Variants in MAOB observed in about 807,000 individuals in gnomAD.
MAOB encodes the protein monoamine oxidase B, also known as amine oxidase [flavin-containing] B.
A neutral mutation model predicts 41.9 loss-of-function variants in MAOB; 15 were observed. That is an observed-to-expected ratio of 0.36 (90% CI 0.24 to 0.55). The LOEUF (loss-of-function observed/expected upper bound fraction) is 0.55. Ranked by LOEUF, MAOB falls within the 20% of genes least tolerant of loss-of-function variation. MAOB has a pLI of 0.86. For missense variants in MAOB, 345 were observed against 398.7 expected (o/e 0.87, Z 1.15); for synonymous variants, 167 against 144.2 (o/e 1.16, Z -1.13).
chrX:43,769,285 A>G, intron 13 of MAOB, 22 bp downstream of exon 13: 1 of 1,160,265 alleles, frequency 8.6e-7, no homozygotes, highest in Non-Finnish European at 1.1e-6. Context: ...CCTTCCCCAT[A>G]ATCTATGACC....
chrX:43,774,676 C>A (rs1014544395), intron 12 of MAOB, among the ~76,000 whole-genome samples: 4 of 111,497 alleles, frequency 3.6e-5, no homozygotes, highest in African/African-American at 1.3e-4. Flanking sequence ...ATAATTTTGT[C>A]CCCGTGTTGG....
At chrX:43,791,191 T>C (rs1347854620) in intron 8 of MAOB, among the ~76,000 whole-genome samples, 3 of 111,809 alleles carry the variant, frequency 2.7e-5, no homozygotes, top group Non-Finnish European at 5.6e-5. Context: ...TTATCTGCAA[T>C]GTGGAGAATG....
chrX:43,815,915 C>A (rs2034808815), intron 3 of MAOB, among the ~76,000 whole-genome samples: 1 of 111,837 alleles, frequency 8.9e-6, no homozygotes, highest in Admixed American at 9.5e-5. Flanking sequence ...CCATCAATAG[C>A]AATATGGACA....
At chrX:43,841,044 T>C (rs2035131219) in intron 2 of MAOB, among the ~76,000 whole-genome samples, 1 of 110,390 alleles carries the variant, frequency 9.1e-6, no homozygotes, top group African/African-American at 3.3e-5. Context: ...GAACTTAAAG[T>C]ATAATTTAAA....
In MAOB at chrX:43,808,690, CT is replaced by C. The variant is rs1569218502; in HGVS notation, c.280-5287del. Reference sequence around the variant, plus strand: ...TCTATATCTATATCTATATCTATATCTACACATAGACACACACACACACACA... The same window carrying C: ...TCTATATCTATATCTATATCTATATCACACATAGACACACACACACACACA... On this transcript the variant is annotated intron_variant, in intron 3 of 14. Transcript: ENST00000378069. Among the ~76,000 whole-genome samples the C allele has an allele frequency of 4.0e-4, 37 of 91,936 alleles. 1 individual carries two copies. The South Asian group carries it at 6.4e-3, about 16-fold the overall frequency. 79.8% of individuals were successfully genotyped at this position (91,936 alleles called of 115,157 possible).
At chrX:43,853,282 A>G (rs1199002236) in intron 1 of MAOB, among the ~76,000 whole-genome samples, 5 of 108,621 alleles carry the variant, frequency 4.6e-5, no homozygotes, top group Non-Finnish European at 5.7e-5. Context: ...AAAAAAAAAA[A>G]AAAAAAAGAA....
chrX:43,838,442 T>G (rs543728906), intron 3 of MAOB, among the ~76,000 whole-genome samples: 2 of 112,118 alleles, frequency 1.8e-5, no homozygotes, highest in East Asian at 5.6e-4. Flanking sequence ...TTAGCTGATA[T>G]ATAGGCCACA....
In MAOB at chrX:43,794,222, C is replaced by T. The variant is rs1217580144; in HGVS notation, c.769-644G>A. On this transcript the variant is annotated intron_variant, in intron 7 of 14. Coordinates refer to ENST00000378069, the MANE Select transcript of MAOB (RefSeq NM_000898.5). Reference sequence around the variant, plus strand: ...GTTCCTTGGTCACACCAGGCTTGCTCCCACCTCAGTGCCTTGGCACTGGCT... The same window carrying T: ...GTTCCTTGGTCACACCAGGCTTGCTTCCACCTCAGTGCCTTGGCACTGGCT... Among the ~76,000 whole-genome samples the T allele has an allele frequency of 3.6e-5, 4 of 111,488 alleles. No individual in the cohort carries two copies. The East Asian group carries it at 1.1e-3, about 32-fold the overall frequency.
intron 12 of MAOB, among the ~76,000 whole-genome samples, chrX:43,769,708 G>C (rs765470197): frequency 2.1e-4 from 24 of 111,646 alleles, no homozygotes; most frequent in Non-Finnish European, 9.4e-5. Flanking sequence ...GTGAGGGACT[G>C]TGTAAGCCCA....
At chrX:43,795,209 C>T (rs757642014) in intron 7 of MAOB, among the ~76,000 whole-genome samples, 13 of 111,741 alleles carry the variant, frequency 1.2e-4, no homozygotes, top group African/African-American at 2.9e-4. Context: ...GTTCCTACAA[C>T]CCCTTCAAGT....
chrX:43,851,522 A>G lies in MAOB; in HGVS notation c.47-7758T>C, dbSNP rs758553031. On this transcript the variant is annotated intron_variant, in intron 1 of 14. Coordinates refer to ENST00000378069, the MANE Select transcript of MAOB (RefSeq NM_000898.5). ...TCATTTCTTTGATGGGGATCTGAGG[A>G]TGAAATATTTCACTACTATGATAGT... is the stretch of plus-strand genomic sequence containing the variant. 5.7e-4 allele frequency among the ~76,000 whole-genome samples: 64 copies of G among 111,583 alleles called. No homozygotes were observed. The East Asian group carries it at 0.017, about 30-fold the overall frequency.
chrX:43,879,197 C>A (rs1257845090), intron 1 of MAOB, among the ~76,000 whole-genome samples: 3 of 111,732 alleles, frequency 2.7e-5, no homozygotes, highest in African/African-American at 6.5e-5. Context: ...CATTTATACA[C>A]CATACACATT....
At chrX:43,881,387 G>A (rs974870897) in intron 1 of MAOB, among the ~76,000 whole-genome samples, 3 of 113,138 alleles carry the variant, frequency 2.7e-5, no homozygotes, top group Admixed American at 9.2e-5. Flanking sequence ...TAGGAGGTGG[G>A]CCAAAGCATG....
In MAOB at chrX:43,779,765, A is replaced by C. The variant is rs944796313; in HGVS notation, c.1079+577T>G. Among the ~76,000 whole-genome samples, 3 of 111,677 alleles carry C rather than the reference A, an allele frequency of 2.7e-5. No individual in the cohort carries two copies. In the East Asian group the frequency reaches 8.5e-4, roughly 32 times the overall value. On this transcript the variant is annotated intron_variant, in intron 10 of 14. Transcript: ENST00000378069. Reference sequence around the variant, plus strand: ...GAGGAGAACCCTGATGGAATCGGAAAGCATGCATCATAATATAATTCAGGA... The same window carrying C: ...GAGGAGAACCCTGATGGAATCGGAACGCATGCATCATAATATAATTCAGGA...
At chrX:43,809,749 TG>T (rs904818541) in intron 3 of MAOB, among the ~76,000 whole-genome samples, 4 of 112,269 alleles carry the variant, frequency 3.6e-5, no homozygotes, top group African/African-American at 1.3e-4. Flanking sequence ...GAAGAAATCA[TG>T]AGAAGACATT....
chrX:43,771,205 T>C (rs1016244588), intron 12 of MAOB, among the ~76,000 whole-genome samples: 1 of 112,160 alleles, frequency 8.9e-6, no homozygotes, highest in African/African-American at 3.2e-5. Context: ...ACAATACACA[T>C]TCAGTAGAAA....
chrX:43,808,160 T>A (rs1290205548), intron 3 of MAOB, among the ~76,000 whole-genome samples: 1 of 111,519 alleles, frequency 9.0e-6, no homozygotes, highest in Non-Finnish European at 1.9e-5. Context: ...TTCTGCACTA[T>A]CAGTGTGGCA....
At chrX:43,853,493 G>A (rs190421288) in intron 1 of MAOB, among the ~76,000 whole-genome samples, 1 of 110,805 alleles carries the variant, frequency 9.0e-6, no homozygotes, top group Non-Finnish European at 1.9e-5. Flanking sequence ...GTAAATTTGG[G>A]TAGCATGGTG....
chrX:43,810,501 AT>A (rs1456644267), intron 3 of MAOB, among the ~76,000 whole-genome samples: 1 of 110,643 alleles, frequency 9.0e-6, no homozygotes, highest in African/African-American at 3.3e-5. Context: ...CTCAATTTCA[AT>A]TTATAAGATG....
Sources: allele counts gnomAD v4.1 joint callset (sites outside exome capture counted in the v4.1 genomes callset), GRCh38; gene constraint gnomAD v4.1.1; transcripts MANE v1.5; gene names NCBI Gene and HGNC (gene_info 2026-07-23, HGNC 2026-07-21).